Variants in LHX6 observed in about 807,000 individuals in gnomAD.
The protein encoded by LHX6 is LIM/homeobox protein Lhx6.
A neutral mutation model predicts 47.1 loss-of-function variants in LHX6; 15 were observed. The ratio of observed to expected loss-of-function variants is 0.32; its 90% CI spans 0.21 to 0.49. The LOEUF (loss-of-function observed/expected upper bound fraction) is 0.49, where lower values mean the gene tolerates loss of function less well. Ranked by LOEUF, LHX6 falls within the 20% of genes least tolerant of loss-of-function variation. The pLI, the probability that LHX6 is intolerant of heterozygous loss-of-function variation, is 0.99. For missense variants in LHX6, 404 were observed against 539.6 expected, an observed-to-expected ratio of 0.75 and a Z score of 2.49; for synonymous variants, 242 against 233.5, an observed-to-expected ratio of 1.04 and a Z score of -0.33.
intron 9 of LHX6, among the ~76,000 whole-genome samples, chr9:122,209,273 G>C (rs371267326): frequency 6.6e-6 from 1 of 152,218 alleles, no homozygotes; most frequent in Non-Finnish European, 1.5e-5. Context: ...AGAATGAAAA[G>C]GAGAAACCAG....
chr9:122,228,745 C>T lies in LHX6; in HGVS notation c.-5G>A, dbSNP rs908972785. 7 of 1,259,538 alleles carry T rather than the reference C, an allele frequency of 5.6e-6. No individual in the cohort carries two copies. The highest frequency in any genetic ancestry group is 3.4e-5 in the South Asian group (1 of 29,024). The allele number at this position is 1,259,538 out of a possible 1,614,324, so 78.0% of individuals were successfully genotyped here. On this transcript the variant is annotated 5_prime_UTR_variant, in exon 1 of 10. Coordinates refer to ENST00000394319, the MANE Select transcript of LHX6 (RefSeq NM_014368.5). ...GTTCTCATGCTTCCAGTACATGGGC[C>T]GGGGAACCTCGGGCTCAGCGGGCGC...
In LHX6 at chr9:122,214,155, G is replaced by A. The variant is rs996053221; in HGVS notation, c.784-86C>T. The stretch of plus-strand genomic sequence containing the variant: ...TCAGCGGCGCCAGTCCACAGGCCAC[G>A]CCCCAGGCAGCTGCGGCCCCGCCCC... On this transcript the variant is annotated intron_variant, in intron 6 of 9. Coordinates refer to ENST00000394319, the MANE Select transcript of LHX6 (RefSeq NM_014368.5). This position sits in a 1 kb window ranked among gnomAD's most constrained non-coding sequence, Gnocchi z 4.6. 4 of 1,430,364 alleles carry A rather than the reference G, an allele frequency of 2.8e-6. No homozygotes were observed. The highest frequency in any genetic ancestry group is 3.8e-6 in the Non-Finnish European group (4 of 1,063,884). 88.6% of individuals were successfully genotyped at this position (1,430,364 alleles called of 1,614,324 possible).
At chr9:122,205,882 G>C (rs1457596607) in intron 9 of LHX6, among the ~76,000 whole-genome samples, 1 of 152,116 alleles carries the variant, frequency 6.6e-6, no homozygotes, top group Admixed American at 6.5e-5. Context: ...TCTCACAGGG[G>C]AGGTGGCAGA....
At chr9:122,215,580 C>T (rs1251865186) in intron 5 of LHX6, among the ~76,000 whole-genome samples, 1 of 152,172 alleles carries the variant, frequency 6.6e-6, no homozygotes, top group Non-Finnish European at 1.5e-5. Context: ...AGCCTGTGGT[C>T]GCTGATGGAC....
chr9:122,217,608 A>G lies in LHX6; in HGVS notation c.462-320T>C, dbSNP rs185578357. ...AACACAATAATAGTAATAATAAGCA[A>G]GTTGTTGAGCACTTACCACTTGCCC... On this transcript the variant is annotated intron_variant, in intron 4 of 9. Transcript: ENST00000394319. The surrounding 1 kb of genome is among the most constrained non-coding windows in gnomAD (Gnocchi z 4.9). 6.6e-6 allele frequency among the ~76,000 whole-genome samples: 1 copy of G among 152,388 alleles called. No individual in the cohort carries two copies. The highest frequency in any genetic ancestry group is 1.9e-4 in the East Asian group (1 of 5,194).
chr9:122,226,220 C>A lies in LHX6; in HGVS notation c.461+156G>T, dbSNP rs1831090446. Among the ~76,000 whole-genome samples, 1 of 152,244 alleles carries A rather than the reference C, an allele frequency of 6.6e-6. No homozygotes were observed. The highest frequency in any genetic ancestry group is 1.5e-5 in the Non-Finnish European group (1 of 68,040). ...CGCTGCCTGGAGCTCTGGGTTCGCG[C>A]CGCTGAGCGCCGGCAGGTTGGACCA... On this transcript the variant is annotated intron_variant, in intron 4 of 9. Transcript: ENST00000394319. This position sits in a 1 kb window ranked among gnomAD's most constrained non-coding sequence, Gnocchi z 6.5.
chr9:122,206,520 G>GA, intron 9 of LHX6, among the ~76,000 whole-genome samples: 1 of 152,328 alleles, frequency 6.6e-6, no homozygotes, highest in African/African-American at 2.4e-5. Context: ...CTTTAATGCA[G>GA]ACTTTCTGGG....
intron 4 of LHX6, among the ~76,000 whole-genome samples, chr9:122,219,042 C>T (rs186580920): frequency 6.6e-6 from 1 of 152,292 alleles, no homozygotes; most frequent in South Asian, 2.1e-4. Flanking sequence ...GTCCCCAGGG[C>T]GGGCACCCCT....
At chr9:122,223,743 G>A (rs903191737) in intron 4 of LHX6, among the ~76,000 whole-genome samples, 9 of 152,196 alleles carry the variant, frequency 5.9e-5, no homozygotes, top group African/African-American at 1.9e-4. Flanking sequence ...GTCAGGATCC[G>A]TGTTTTGACT....
At position 122,217,045 on chromosome 9, in the gene LHX6, G is replaced by T; in HGVS notation, c.682+23C>A. The T allele has an allele frequency of 6.2e-7, 1 of 1,602,956 alleles. No individual in the cohort carries two copies. Among genetic ancestry groups the T allele is most frequent in the Non-Finnish European group, 8.5e-7 (1 of 1,170,240 alleles). On this transcript the variant is annotated intron_variant, in intron 5 of 9. Transcript: ENST00000394319. This position sits in a 1 kb window ranked among gnomAD's most constrained non-coding sequence, Gnocchi z 4.9. Reference sequence around the variant, plus strand: ...GTGGGAAAGGGCTGGGGGCAGAGGTGCCAGGCGGAGCAGGTTGGGTACCGT... The same window carrying T: ...GTGGGAAAGGGCTGGGGGCAGAGGTTCCAGGCGGAGCAGGTTGGGTACCGT...
chr9:122,226,566 G>A lies in LHX6; in HGVS notation c.340-69C>T. 2 of 1,569,518 alleles carry A rather than the reference G, an allele frequency of 1.3e-6. No individual in the cohort carries two copies. The highest frequency in any genetic ancestry group is 2.3e-5 in the East Asian group (1 of 44,160). The stretch of plus-strand genomic sequence containing the variant: ...TTTCACTCCGGGCCCCAGCCTTCCC[G>A]GTCTCATTTACAGTCAGAGGCGCTG... On this transcript the variant is annotated intron_variant, in intron 3 of 9. Coordinates refer to ENST00000394319, the MANE Select transcript of LHX6 (RefSeq NM_014368.5). This position sits in a 1 kb window ranked among gnomAD's most constrained non-coding sequence, Gnocchi z 6.5.
chr9:122,211,497 T>C (rs1216545430), intron 8 of LHX6, among the ~76,000 whole-genome samples: 2 of 152,226 alleles, frequency 1.3e-5, no homozygotes, highest in African/African-American at 4.8e-5. Context: ...AACTCATTTT[T>C]CTGGGGTCTG....
At position 122,213,567 on chromosome 9, in the gene LHX6, C is replaced by T; in HGVS notation, c.1054+39G>A. The T allele has an allele frequency of 6.6e-7, 1 of 1,511,528 alleles. No individual in the cohort carries two copies. The allele number at this position is 1,511,528 out of a possible 1,614,324, so 93.6% of individuals were successfully genotyped here. A position where few individuals can be genotyped will look rare whatever the true frequency, so the allele number is the denominator to read the frequency against. On this transcript the variant is annotated intron_variant, in intron 8 of 9. Transcript: ENST00000394319. The surrounding 1 kb of genome is among the most constrained non-coding windows in gnomAD (Gnocchi z 5.5). ...CACGTGCGCTCCTCCGCGCCCCCTC[C>T]CCGCAGGCCCAGCGGCTCCCGGCGC...
At chr9:122,220,992 A>G in intron 4 of LHX6, 1 of 674,994 alleles carries the variant, frequency 1.5e-6, no homozygotes, top group Non-Finnish European at 1.8e-6. Context: ...CTATTAAGCT[A>G]CCCCTTTTCT....
At chr9:122,221,548 C>T in intron 4 of LHX6, 5 of 985,756 alleles carry the variant, frequency 5.1e-6, no homozygotes, top group Non-Finnish European at 6.0e-6. Context: ...CTTTAGCCTC[C>T]AGGGCACTCA....
At chr9:122,216,401 C>T (rs763895234) in intron 5 of LHX6, among the ~76,000 whole-genome samples, 7 of 152,168 alleles carry the variant, frequency 4.6e-5, no homozygotes, top group Non-Finnish European at 1.0e-4. Flanking sequence ...ATGTCAGAGC[C>T]AGAAGAGATT....
chr9:122,228,303 G>A, intron 1 of LHX6: 2 of 1,534,842 alleles, frequency 1.3e-6, no homozygotes, highest in Non-Finnish European at 1.7e-6. Context: ...GGCGCGCCGG[G>A]TACCGGCCCC....
intron 9 of LHX6, among the ~76,000 whole-genome samples, chr9:122,206,334 A>C (rs890004228): frequency 5.9e-5 from 9 of 152,340 alleles, no homozygotes; most frequent in African/African-American, 2.2e-4. Flanking sequence ...AGGCAGGCTC[A>C]GGCCTGGAAG....
Position 122,226,747 on chromosome 9 carries a change from C to T in LHX6, c.339+101G>A, listed in dbSNP as rs1831119074. 1 of 1,373,704 alleles carries T rather than the reference C, an allele frequency of 7.3e-7. No homozygotes were observed. The highest frequency in any genetic ancestry group is 9.8e-7 in the Non-Finnish European group (1 of 1,020,158). 85.1% of individuals were successfully genotyped at this position (1,373,704 alleles called of 1,614,324 possible). ...GCTTCGCAGTCGGGCAGCAGTGGAG[C>T]CAGGATTTGGAAGTAAGAGGACCTG... On this transcript the variant is annotated intron_variant, in intron 3 of 9. Coordinates refer to ENST00000394319, the MANE Select transcript of LHX6 (RefSeq NM_014368.5). This position sits in a 1 kb window ranked among gnomAD's most constrained non-coding sequence, Gnocchi z 6.5.
Sources: allele counts gnomAD v4.1 joint callset (sites outside exome capture counted in the v4.1 genomes callset), GRCh38; gene constraint gnomAD v4.1.1; non-coding constraint Gnocchi (gnomAD v3.1); transcripts MANE v1.5; gene names NCBI Gene and HGNC (gene_info 2026-07-23, HGNC 2026-07-21).